LAMC2: variants seen among roughly 807,000 people sequenced by gnomAD.
LAMC2 encodes laminin subunit gamma 2.
In LAMC2, 97 loss-of-function variants were observed where a neutral mutation model predicts 140.2. The ratio of observed to expected loss-of-function variants is 0.69; its 90% confidence interval spans 0.59 to 0.82. The LOEUF (loss-of-function observed/expected upper bound fraction) is 0.82, where lower values mean the gene tolerates loss of function less well. Ranked by LOEUF, LAMC2 falls within the 40% of genes least tolerant of loss-of-function variation. The probability of loss-of-function intolerance (pLI) is 0.00; values close to 1 mark genes in which losing one functional copy is unlikely to be tolerated. For missense variants in LAMC2, 1,402 were observed against 1,476.1 expected, an observed-to-expected ratio of 0.95 and a Z score of 0.82; for synonymous variants, 513 against 540.2, an observed-to-expected ratio of 0.95 and a Z score of 0.70.
In LAMC2 at chr1:183,244,350, C is replaced by T. The variant is rs1411345474; in HGVS notation, c.*950C>T. On this transcript the variant is annotated 3_prime_UTR_variant, in exon 23 of 23. Transcript: ENST00000264144. ...CCCATAATAAGAGAATGTTCCTACT[C>T]ACACTTCAGCTGGGTCACATCCATC... 6.6e-6 allele frequency: 1 copy of T among 152,154 alleles called. No homozygotes were observed. Among genetic ancestry groups the T allele is most frequent in the Non-Finnish European group, 1.5e-5 (1 of 68,048 alleles). The allele number at this position is 152,154 out of a possible 1,614,324, so 9.4% of individuals were successfully genotyped here.
chr1:183,234,911 C>G (rs1307280060), intron 15 of LAMC2, among the ~76,000 whole-genome samples: 1 of 152,152 alleles, frequency 6.6e-6, no homozygotes, highest in Non-Finnish European at 1.5e-5. Flanking sequence ...ACGCAGCTCC[C>G]TTCATCCTTG....
rs1287316972 is a variant in LAMC2, at chr1:183,235,689, C to T, written c.2415C>T (p.Ser805=). Residue 805 remains serine (S), a synonymous_variant, in exon 16 of 23, where the codon AGC becomes AGT. Transcript: ENST00000264144. ...KALHEGVGSG[S]GSPDGAVVQG... The stretch of plus-strand genomic sequence containing the variant: ...TGCATGAAGGAGTCGGAAGCGGAAG[C>T]GGTAGCCCGGACGGTGCTGTGGTGC... The T allele has an allele frequency of 5.6e-6, 9 of 1,614,100 alleles. No individual in the cohort carries two copies. The highest frequency in any genetic ancestry group is 6.8e-6 in the Non-Finnish European group (8 of 1,180,048).
At chr1:183,217,252 A>G (rs1659298837) in intron 3 of LAMC2, among the ~76,000 whole-genome samples, 1 of 152,188 alleles carries the variant, frequency 6.6e-6, no homozygotes, top group Non-Finnish European at 1.5e-5. Flanking sequence ...AAAACACATG[A>G]TTGCGTGCAA....
chr1:183,258,362 G>A, the LAMC2 span, among the ~76,000 whole-genome samples: 1 of 152,176 alleles, frequency 6.6e-6, no homozygotes, highest in African/African-American at 2.4e-5. Flanking sequence ...TGCATGCACT[G>A]CCCTTGAAAC....
At chr1:183,215,106 T>C (rs1469174369) in intron 2 of LAMC2, among the ~76,000 whole-genome samples, 2 of 152,334 alleles carry the variant, frequency 1.3e-5, no homozygotes, top group East Asian at 3.9e-4. Flanking sequence ...CAAACTCTCT[T>C]CTAGGAGGCC....
the LAMC2 span, among the ~76,000 whole-genome samples, chr1:183,254,297 A>G: frequency 6.6e-6 from 1 of 152,182 alleles, no homozygotes; most frequent in Non-Finnish European, 1.5e-5. Flanking sequence ...TGTGAGGTAG[A>G]ATCTCATAAT....
At chr1:183,239,841 A>G (rs1660076244) in intron 20 of LAMC2, 199 bp from the exon 21 acceptor site, 1 of 685,802 alleles carries the variant, frequency 1.5e-6, no homozygotes, top group African/African-American at 1.8e-5. Context: ...TGACCTTCCT[A>G]GTCATACCCC....
At chr1:183,227,283 G>T (rs1659654765) in intron 9 of LAMC2, among the ~76,000 whole-genome samples, 1 of 152,150 alleles carries the variant, frequency 6.6e-6, no homozygotes, top group Non-Finnish European at 1.5e-5. Context: ...TTAAGTTATG[G>T]ATAGTAAAAG....
rs201944251 is a variant in LAMC2, at chr1:183,235,559, T to A, written c.2301-16T>A. On this transcript the variant is annotated splice_polypyrimidine_tract_variant and intron_variant, in intron 15 of 22. Transcript: ENST00000264144. ...TTGCGTGAAAACTCTTATTCTTTTG[T>A]TTTTAATCCTTTCAGCCACGTTGAG... The A allele has an allele frequency of 6.2e-7, 1 of 1,614,094 alleles. No homozygotes were observed. The highest frequency in any genetic ancestry group is 1.3e-5 in the African/African-American group (1 of 75,060).
chr1:183,220,875 C>T lies in LAMC2; in HGVS notation c.554C>T (p.Thr185Ile), dbSNP rs928812848. The T allele has an allele frequency of 6.2e-7, 1 of 1,613,786 alleles. No homozygotes were observed. Residue 185 changes from threonine to isoleucine, a missense_variant, in exon 5 of 23, where the codon ACC becomes ATC. Thr to Ile is a moderately conservative substitution (Grantham distance 89, BLOSUM62 -1). Coordinates refer to ENST00000264144, the MANE Select transcript of LAMC2 (RefSeq NM_005562.3). Reference protein sequence around the residue: ...NLDGGNPEGCTQCFCYGHSAS... With the variant: ...NLDGGNPEGCIQCFCYGHSAS... ...GATGGGGGGAACCCTGAGGGCTGTA[C>T]CCAGTGTTTCTGCTATGGGCATTCA...
intron 16 of LAMC2, 61 bp downstream of exon 16, chr1:183,235,791 C>A: frequency 6.4e-7 from 1 of 1,566,284 alleles, no homozygotes. Context: ...GGGCAAAATG[C>A]TAACCGTACT....
intron 1 of LAMC2, 89 bp from the exon 2 acceptor site, chr1:183,207,792 T>C (rs1658935372): frequency 8.9e-7 from 1 of 1,127,532 alleles, no homozygotes; most frequent in Non-Finnish European, 1.3e-6. Flanking sequence ...GCATAATTTC[T>C]ATCAATAATA....
At chr1:183,199,257 C>A (rs1658627233) in intron 1 of LAMC2, among the ~76,000 whole-genome samples, 1 of 151,892 alleles carries the variant, frequency 6.6e-6, no homozygotes, top group Non-Finnish European at 1.5e-5. Flanking sequence ...GCTTGCACCA[C>A]CACACCCAGC....
chr1:183,239,739 G>A (rs1660073122), intron 20 of LAMC2, 176 bp downstream of exon 20: 1 of 660,738 alleles, frequency 1.5e-6, no homozygotes, highest in South Asian at 2.0e-5. Flanking sequence ...AGAATGATGT[G>A]TTTTTTTGTC....
At chr1:183,250,743 T>A in the LAMC2 span, 2 of 152,642 alleles carry the variant, frequency 1.3e-5, no homozygotes, top group East Asian at 3.8e-4. Context: ...TTTTCCTTCC[T>A]TCCTCTGAAG....
chr1:183,226,327 T>A (rs1434298882), intron 8 of LAMC2, among the ~76,000 whole-genome samples: 3 of 152,144 alleles, frequency 2.0e-5, no homozygotes, highest in African/African-American at 7.2e-5. Flanking sequence ...ATGTATTGAC[T>A]CTTACTGTAT....
At chr1:183,226,951 G>T (rs1471503906) in intron 9 of LAMC2, 35 bp downstream of exon 9, 1 of 1,533,194 alleles carries the variant, frequency 6.5e-7, no homozygotes, top group Non-Finnish European at 9.0e-7. Context: ...GGTGGCTGGG[G>T]TGTCATGTGG....
chr1:183,225,511 G>A (rs1211533688), intron 7 of LAMC2, 97 bp from the exon 8 acceptor site: 2 of 858,522 alleles, frequency 2.3e-6, no homozygotes, highest in Admixed American at 1.7e-5. Flanking sequence ...GGACTGGGAA[G>A]GGGCTTAGCT....
chr1:183,252,621 T>G, the LAMC2 span: 8 of 1,556,800 alleles, frequency 5.1e-6, no homozygotes, highest in African/African-American at 9.5e-5. Flanking sequence ...GCCATTGTGT[T>G]GCCGGAGGAC....
Sources: gnomAD v4.1 joint callset for allele counts (sites outside exome capture counted in the v4.1 genomes callset) on GRCh38, gnomAD v4.1.1 for gene constraint, MANE v1.5 for transcripts, NCBI Gene and HGNC (gene_info 2026-07-23, HGNC 2026-07-21) for gene names.